PTPRD: variants seen among roughly 807,000 people sequenced by gnomAD.
PTPRD encodes receptor-type tyrosine-protein phosphatase delta.
A neutral mutation model predicts 214.5 loss-of-function variants in PTPRD; 34 were observed. The ratio of observed to expected loss-of-function variants is 0.16; its 90% confidence interval spans 0.12 to 0.21. PTPRD has a LOEUF of 0.21. PTPRD is among the 10% of genes least tolerant of loss of function. PTPRD has a pLI of 1.00. For synonymous variants in PTPRD, 1,128 were observed against 845.7 expected (o/e 1.33, Z -5.79); for missense variants, 2,545 against 2,398.7 (o/e 1.06, Z -1.27).
intron 23 of PTPRD, among the ~76,000 whole-genome samples, chr9:8,502,646 A>T (rs1162451594): frequency 6.6e-6 from 1 of 152,098 alleles, no homozygotes; most frequent in Non-Finnish European, 1.5e-5. Context: ...ATTCATAATA[A>T]ATTGAGTTGT....
intron 2 of PTPRD, among the ~76,000 whole-genome samples, chr9:10,527,915 T>C (rs1433078743): frequency 6.6e-6 from 1 of 152,192 alleles, no homozygotes; most frequent in Non-Finnish European, 1.5e-5. Context: ...TTACCCTTGA[T>C]TATAGTTTTC....
intron 11 of PTPRD, among the ~76,000 whole-genome samples, chr9:8,815,171 G>A (rs753071128): frequency 2.6e-5 from 4 of 151,908 alleles, no homozygotes; most frequent in Non-Finnish European, 4.4e-5. Context: ...GAGAAATGTG[G>A]AAAGAAGATA....
intron 10 of PTPRD, among the ~76,000 whole-genome samples, chr9:9,062,151 A>G (rs1237390476): frequency 6.6e-6 from 1 of 152,206 alleles, no homozygotes; most frequent in Admixed American, 6.5e-5. Flanking sequence ...AATTTTACTT[A>G]CACTGTTTTC....
chr9:10,482,175 G>C (rs1953590), intron 2 of PTPRD, among the ~76,000 whole-genome samples: 14 of 151,892 alleles, frequency 9.2e-5, no homozygotes, highest in Admixed American at 2.0e-4. Flanking sequence ...ATTGAGACCA[G>C]CCCGGCTAAC....
intron 9 of PTPRD, among the ~76,000 whole-genome samples, chr9:9,391,669 G>A (rs2065888039): frequency 6.6e-6 from 1 of 152,018 alleles, no homozygotes; most frequent in Non-Finnish European, 1.5e-5. Context: ...TGATATATTA[G>A]GGCATTATTT....
chr9:10,044,439 A>T (rs1385469169), intron 3 of PTPRD, among the ~76,000 whole-genome samples: 2 of 151,790 alleles, frequency 1.3e-5, no homozygotes, highest in Non-Finnish European at 3.0e-5. Flanking sequence ...GATCAGACTT[A>T]GTTGATAGTT....
intron 11 of PTPRD, among the ~76,000 whole-genome samples, chr9:8,742,048 G>C (rs1036141240): frequency 2.6e-5 from 4 of 152,026 alleles, no homozygotes; most frequent in Non-Finnish European, 4.4e-5. Context: ...TTATGCACCT[G>C]TTCCAAAATT....
At chr9:8,508,901 G>C (rs917736027) in intron 21 of PTPRD, among the ~76,000 whole-genome samples, 391 of 151,310 alleles carry the variant, frequency 2.6e-3, no homozygotes, top group Admixed American at 3.2e-3. Context: ...CTGTGTGTGT[G>C]TGTGTGTGTG....
chr9:9,509,622 T>C (rs59394566), intron 8 of PTPRD, among the ~76,000 whole-genome samples: 4,413 of 151,594 alleles, frequency 0.029, 233 homozygotes, highest in African/African-American at 0.099. Flanking sequence ...ATCAAGGAGA[T>C]AGATTTGAGA....
At chr9:9,389,247 A>G (rs1265336708) in intron 9 of PTPRD, among the ~76,000 whole-genome samples, 1 of 152,210 alleles carries the variant, frequency 6.6e-6, no homozygotes, top group Non-Finnish European at 1.5e-5. Context: ...GCAGTGGCTC[A>G]CGCCTGTAAT....
chr9:8,544,467 C>CTTTTT (rs34002040), intron 14 of PTPRD, among the ~76,000 whole-genome samples: 3 of 116,208 alleles, frequency 2.6e-5, no homozygotes, highest in East Asian at 2.6e-4. Context: ...AAAAAAATAA[C>CTTTTT]TTTTTTTTTT....
chr9:8,680,933 G>A (rs2097538373), intron 12 of PTPRD, among the ~76,000 whole-genome samples: 1 of 152,190 alleles, frequency 6.6e-6, no homozygotes. Flanking sequence ...TGCTGTGAAA[G>A]CAGCAGCAAC....
At chr9:10,161,172 T>G (rs1036752243) in intron 3 of PTPRD, among the ~76,000 whole-genome samples, 9 of 151,836 alleles carry the variant, frequency 5.9e-5, no homozygotes, top group African/African-American at 2.2e-4. Flanking sequence ...GCAATCCCAA[T>G]GAAAACACCA....
At chr9:8,753,354 T>C (rs922504575) in intron 11 of PTPRD, among the ~76,000 whole-genome samples, 2 of 152,216 alleles carry the variant, frequency 1.3e-5, no homozygotes, top group Non-Finnish European at 2.9e-5. Flanking sequence ...AGGTAGTAGT[T>C]AGCATAATTT....
chr9:10,530,153 T>G lies in PTPRD; in HGVS notation c.-600+82245A>C, dbSNP rs1334176335. Among the ~76,000 whole-genome samples, 4 of 152,214 alleles carry G rather than the reference T, an allele frequency of 2.6e-5. No homozygotes were observed. The East Asian group carries it at 5.8e-4, about 22-fold the overall frequency. On this transcript the variant is annotated intron_variant, in intron 2 of 45. Transcript: ENST00000381196. ...AAAACTGTTTAGACAATACATCTTC[T>G]AAAATAAAGTCTATAGTAAAATTAT...
chr9:8,340,886 G>C (rs1033494258), intron 41 of PTPRD, among the ~76,000 whole-genome samples: 4 of 152,072 alleles, frequency 2.6e-5, no homozygotes, highest in African/African-American at 7.2e-5. Flanking sequence ...TGAAAGAAGA[G>C]TGCAGAAGGC....
Position 10,311,510 on chromosome 9 carries a change from T to C in PTPRD, c.-545+29453A>G, listed in dbSNP as rs548231141. 1.4e-4 allele frequency among the ~76,000 whole-genome samples: 22 copies of C among 152,142 alleles called. No individual in the cohort carries two copies. In the South Asian group the frequency reaches 4.4e-3, roughly 30 times the overall value. On this transcript the variant is annotated intron_variant, in intron 3 of 45. Coordinates refer to ENST00000381196, the MANE Select transcript of PTPRD (RefSeq NM_002839.4). ...ATCTACAAAATCAAGATAAATATAATTGCACTCTCTGCTTCATTGGGATAT... is the reference window on the plus strand; with the variant it reads ...ATCTACAAAATCAAGATAAATATAACTGCACTCTCTGCTTCATTGGGATAT...
intron 3 of PTPRD, among the ~76,000 whole-genome samples, chr9:10,242,636 A>G (rs1370504209): frequency 6.8e-6 from 1 of 147,682 alleles, no homozygotes; most frequent in East Asian, 2.0e-4. Flanking sequence ...TTTTTGACTA[A>G]CATGGTGTAT....
At chr9:8,423,350 G>T (rs1275995488) in intron 35 of PTPRD, among the ~76,000 whole-genome samples, 1 of 152,126 alleles carries the variant, frequency 6.6e-6, no homozygotes, top group African/African-American at 2.4e-5. Context: ...AATAAATGTA[G>T]GTAGGCAGTG....
Sources: allele counts gnomAD v4.1 joint callset (sites outside exome capture counted in the v4.1 genomes callset), GRCh38; gene constraint gnomAD v4.1.1; transcripts MANE v1.5; gene names NCBI Gene and HGNC (gene_info 2026-07-23, HGNC 2026-07-21).